Variants in ADORA2B observed in about 807,000 individuals in gnomAD.
The protein encoded by ADORA2B is adenosine receptor A2b.
A neutral mutation model predicts 20.8 loss-of-function variants in ADORA2B; 18 were observed. The observed-to-expected ratio is 0.87, with a 90% CI of 0.60 to 1.29. ADORA2B has a LOEUF of 1.29. ADORA2B is among the 50% of genes most tolerant of loss of function. ADORA2B has a pLI of 0.00. For missense variants in ADORA2B, 441 were observed against 422.7 expected (o/e 1.04, Z -0.38); for synonymous variants, 179 against 178.3 (o/e 1.00, Z -0.03).
At position 15,966,441 on chromosome 17, in the gene ADORA2B, G is replaced by A. The variant is rs965164023; in HGVS notation, c.336-8238G>A. Among the ~76,000 whole-genome samples, 6 of 152,202 alleles carry A rather than the reference G, an allele frequency of 3.9e-5. 1 individual carries two copies. The highest frequency in any genetic ancestry group is 1.3e-4 in the Admixed American group (2 of 15,282). On this transcript the variant is annotated intron_variant, in intron 1 of 1. Coordinates refer to ENST00000304222, the MANE Select transcript of ADORA2B (RefSeq NM_000676.4). ...TAGCTGCCCTTGATCTATACTAGGA[G>A]CACCTTGAGAGCTGGGAATTGATTT...
chr17:15,940,518 T>C (rs888842745), upstream of ADORA2B, among the ~76,000 whole-genome samples: 9 of 152,226 alleles, frequency 5.9e-5, no homozygotes, highest in African/African-American at 2.2e-4. Flanking sequence ...TTCTGAAATG[T>C]AGGCTGTGAC....
Position 15,975,604 on chromosome 17 carries a change from CTT to C in ADORA2B, c.*265_*266del, listed in dbSNP as rs148424704. 0.04 allele frequency: 17,860 copies of C among 444,374 alleles called. 410 individuals carry two copies. The highest frequency in any genetic ancestry group is 0.057 in the African/African-American group (2,890 of 50,518). 27.5% of individuals were successfully genotyped at this position (444,374 alleles called of 1,614,324 possible). ...CAGCTTGAATGGATTCTAACAGACT[CTT>C]TTGTTTTTAAAAGTCTGCCTTGTTT... is the stretch of plus-strand genomic sequence containing the variant. On this transcript the variant is annotated 3_prime_UTR_variant, in exon 2 of 2. Coordinates refer to ENST00000304222, the MANE Select transcript of ADORA2B (RefSeq NM_000676.4).
In ADORA2B at chr17:15,945,463, G is replaced by T. The variant is rs376788424; in HGVS notation, c.215G>T (p.Cys72Phe). ...PFAITISLGF[C>F]TDFYGCLFLA... ...GCCATCACCATCAGCCTGGGCTTCT[G>T]CACTGACTTCTACGGCTGCCTCTTC... The change falls in exon 1 of 2, where the codon TGC (cysteine) becomes TTC (phenylalanine). Residue 72 changes from cysteine (C) to phenylalanine (F), a missense_variant. Physicochemically the swap from Cys to Phe is radical, Grantham distance 205. Coordinates refer to ENST00000304222, the MANE Select transcript of ADORA2B (RefSeq NM_000676.4). 6.2e-7 allele frequency: 1 copy of T among 1,613,510 alleles called. No individual in the cohort carries two copies. Among genetic ancestry groups the T allele is most frequent in the Admixed American group, 1.7e-5 (1 of 60,020 alleles).
chr17:15,924,522 G>T, the ADORA2B span, among the ~76,000 whole-genome samples: 1 of 152,088 alleles, frequency 6.6e-6, no homozygotes, highest in Non-Finnish European at 1.5e-5. Context: ...ACGAGGTCAG[G>T]AGATCGAGAC....
chr17:15,881,583 A>T, the ADORA2B span, among the ~76,000 whole-genome samples: 2 of 152,058 alleles, frequency 1.3e-5, no homozygotes, highest in Admixed American at 1.3e-4. Context: ...CTGGGGAGGG[A>T]GCTTCCTATT....
chr17:15,902,019 A>G, the ADORA2B span, among the ~76,000 whole-genome samples: 3 of 152,174 alleles, frequency 2.0e-5, no homozygotes, highest in South Asian at 6.2e-4. Context: ...CCCATTAAAC[A>G]TTAACTCCCC....
At chr17:15,897,194 C>T in the ADORA2B span, among the ~76,000 whole-genome samples, 1 of 152,080 alleles carries the variant, frequency 6.6e-6, no homozygotes, top group African/African-American at 2.4e-5. Context: ...TTATCTCAAG[C>T]AGGATGGATA....
At chr17:15,938,440 C>T in the ADORA2B span, among the ~76,000 whole-genome samples, 1 of 151,886 alleles carries the variant, frequency 6.6e-6, no homozygotes, top group African/African-American at 2.4e-5. Flanking sequence ...GTAGCTGGGA[C>T]TACAGGCGCC....
At chr17:15,881,064 C>T in the ADORA2B span, among the ~76,000 whole-genome samples, 1 of 152,076 alleles carries the variant, frequency 6.6e-6, no homozygotes, top group Admixed American at 6.6e-5. Flanking sequence ...CGTGGTCTGT[C>T]CCTTTAGCCT....
chr17:15,947,275 C>T (rs1039677257), intron 1 of ADORA2B, among the ~76,000 whole-genome samples: 1 of 152,168 alleles, frequency 6.6e-6, no homozygotes. Context: ...CAGTCACAAG[C>T]CCCAGCCTGA....
chr17:15,946,897 G>A (rs1003193776), intron 1 of ADORA2B, among the ~76,000 whole-genome samples: 2 of 152,240 alleles, frequency 1.3e-5, no homozygotes, highest in South Asian at 2.1e-4. Context: ...GAGCCTGCCT[G>A]CAGTAAACTG....
chr17:15,893,798 C>G, the ADORA2B span, among the ~76,000 whole-genome samples: 1 of 152,198 alleles, frequency 6.6e-6, no homozygotes, highest in African/African-American at 2.4e-5. Flanking sequence ...TCCACATAAC[C>G]TCTTTACTTA....
intron 1 of ADORA2B, among the ~76,000 whole-genome samples, chr17:15,951,321 G>C (rs1234833682): frequency 6.6e-6 from 1 of 152,242 alleles, no homozygotes. Flanking sequence ...CAGAGGCCCA[G>C]GCTGAGGCCA....
the ADORA2B span, among the ~76,000 whole-genome samples, chr17:15,883,732 G>A: frequency 6.6e-6 from 1 of 152,196 alleles, no homozygotes; most frequent in Non-Finnish European, 1.5e-5. Flanking sequence ...AGGGCAATTT[G>A]GCAGAATCCG....
the ADORA2B span, among the ~76,000 whole-genome samples, chr17:15,918,067 G>A: frequency 6.6e-6 from 1 of 152,214 alleles, no homozygotes; most frequent in African/African-American, 2.4e-5. Flanking sequence ...GGTCCTGGGA[G>A]TCTGCGCTCG....
chr17:15,945,647 C>G lies in ADORA2B; in HGVS notation c.335+64C>G, dbSNP rs893235106. On this transcript the variant is annotated intron_variant, in intron 1 of 1. Coordinates refer to ENST00000304222, the MANE Select transcript of ADORA2B (RefSeq NM_000676.4). The stretch of plus-strand genomic sequence containing the variant: ...GGAGCTCCGAAATGGGTCGTCTTCT[C>G]CAGGCCGGGGTTCCTCCCTCGGGGG... The G allele has an allele frequency of 1.0e-5, 14 of 1,389,124 alleles. No homozygotes were observed. In the Admixed American group the frequency reaches 2.0e-4, roughly 20 times the overall value. 86.0% of individuals were successfully genotyped at this position (1,389,124 alleles called of 1,614,324 possible).
chr17:15,878,214 C>CACACAT, the ADORA2B span, among the ~76,000 whole-genome samples: 1 of 143,474 alleles, frequency 7.0e-6, no homozygotes, highest in Non-Finnish European at 1.5e-5. Flanking sequence ...CACACACACA[C>CACACAT]ATTATATAAA....
At chr17:15,918,772 A>G in the ADORA2B span, among the ~76,000 whole-genome samples, 1 of 152,178 alleles carries the variant, frequency 6.6e-6, no homozygotes, top group African/African-American at 2.4e-5. Context: ...CCTGGCCAAC[A>G]GTGAATAATT....
chr17:15,964,889 G>A (rs2779205), intron 1 of ADORA2B, among the ~76,000 whole-genome samples: 26,294 of 151,836 alleles, frequency 0.17, 3,039 homozygotes, highest in Non-Finnish European at 0.24. Flanking sequence ...GTGAAACCCC[G>A]TCTCTACTAA....
Sources: allele counts gnomAD v4.1 joint callset (sites outside exome capture counted in the v4.1 genomes callset), GRCh38; gene constraint gnomAD v4.1.1; transcripts MANE v1.5; gene names NCBI Gene and HGNC (gene_info 2026-07-23, HGNC 2026-07-21).